LRP6: variants seen among roughly 807,000 people sequenced by gnomAD.
LRP6 encodes the protein low-density lipoprotein receptor-related protein 6.
A neutral mutation model predicts 184.1 loss-of-function variants in LRP6; 43 were observed. The observed-to-expected ratio is 0.23, with a 90% CI of 0.18 to 0.30. The LOEUF (loss-of-function observed/expected upper bound fraction) is 0.30, where lower values mean the gene tolerates loss of function less well. Ranked by LOEUF, LRP6 falls within the 10% of genes least tolerant of loss-of-function variation. LRP6 has a pLI of 1.00. For synonymous variants in LRP6, 719 were observed against 684.9 expected (o/e 1.05, Z -0.78); for missense variants, 1,571 against 2,005.3 (o/e 0.78, Z 4.14).
rs60703962 is a variant in LRP6, at chr12:12,234,879, GA to G, written c.449+9382del. 7.5e-3 allele frequency among the ~76,000 whole-genome samples: 1,111 copies of G among 147,788 alleles called. 10 individuals are homozygous for G. Among genetic ancestry groups the G allele is most frequent in the African/African-American group, 0.026 (1,040 of 40,180 alleles). ...TTCTGAGAACGGAGATATAATAAAA[GA>G]AAAAAAAAGAATATACACACGTATC... On this transcript the variant is annotated intron_variant, in intron 2 of 22. Coordinates refer to ENST00000261349, the MANE Select transcript of LRP6 (RefSeq NM_002336.3).
chr12:12,158,570 C>T lies in LRP6; in HGVS notation c.2791+259G>A, dbSNP rs185370217. On this transcript the variant is annotated intron_variant, in intron 12 of 22. Transcript: ENST00000261349. Reference sequence around the variant, plus strand: ...GAACTCCTGAGCTGAAGCATTCCTCCCACCTCAGCTTCCCAAAGTGCTGGG... The same window carrying T: ...GAACTCCTGAGCTGAAGCATTCCTCTCACCTCAGCTTCCCAAAGTGCTGGG... Among the ~76,000 whole-genome samples the T allele has an allele frequency of 2.1e-3, 320 of 152,274 alleles. 1 individual carries two copies. The highest frequency in any genetic ancestry group is 7.5e-3 in the African/African-American group (313 of 41,548).
At chr12:12,127,070 A>G (rs1238801880) in intron 19 of LRP6, 149 bp from the exon 20 acceptor site, 13 of 697,640 alleles carry the variant, frequency 1.9e-5, no homozygotes, top group Non-Finnish European at 2.8e-5. Flanking sequence ...GAGTACATAC[A>G]TACCACGCCC....
At chr12:12,210,892 C>CGG (rs1409823121) in intron 2 of LRP6, 1 of 152,144 alleles carries the variant, frequency 6.6e-6, no homozygotes, top group Non-Finnish European at 1.5e-5. Flanking sequence ...TCTCTTACTC[C>CGG]GGTTAGTAGA....
intron 8 of LRP6, among the ~76,000 whole-genome samples, chr12:12,164,825 T>C (rs755343152): frequency 7.3e-5 from 11 of 150,344 alleles, no homozygotes; most frequent in South Asian, 2.1e-4. Flanking sequence ...CTGAATTCTT[T>C]TGATGAAGGT....
intron 3 of LRP6, among the ~76,000 whole-genome samples, chr12:12,189,507 A>T (rs1863559295): frequency 6.6e-6 from 1 of 152,012 alleles, no homozygotes; most frequent in South Asian, 2.1e-4. Flanking sequence ...TACTAATATT[A>T]ATTTTTTTTT....
intron 2 of LRP6, among the ~76,000 whole-genome samples, chr12:12,205,325 C>CAAAAAAAAAAAAAAAAAAAAA (rs1334062234): frequency 3.8e-5 from 1 of 26,230 alleles, no homozygotes; most frequent in African/African-American, 9.6e-5. Flanking sequence ...CTGTCTCAAA[C>CAAAAAAAAAAAAAAAAAAAAA]AAACAAAAAA....
At chr12:12,170,791 TCACACACACACACACACACA>T (rs10571241) in intron 7 of LRP6, among the ~76,000 whole-genome samples, 3 of 142,794 alleles carry the variant, frequency 2.1e-5, no homozygotes, top group Non-Finnish European at 4.6e-5. Flanking sequence ...TAAAATTACT[TCACACACACACACACACACA>T]CACACACACA....
intron 12 of LRP6, chr12:12,155,304 T>C: frequency 1.3e-6 from 1 of 755,216 alleles, no homozygotes; most frequent in South Asian, 1.3e-5. Flanking sequence ...CCGATACGTG[T>C]TCTCTAGGCC....
intron 3 of LRP6, among the ~76,000 whole-genome samples, chr12:12,187,940 A>G (rs562099831): frequency 1.1e-4 from 16 of 152,240 alleles, no homozygotes; most frequent in Admixed American, 9.8e-4. Flanking sequence ...GGCCGGGCGC[A>G]GTGGCTCACG....
chr12:12,202,713 G>A (rs575889286), intron 3 of LRP6, among the ~76,000 whole-genome samples: 14 of 152,198 alleles, frequency 9.2e-5, no homozygotes, highest in East Asian at 3.9e-4. Context: ...GCCAAACCCC[G>A]TCCTAGTGTA....
rs1862759566 is a variant in LRP6, at chr12:12,162,252, T to C, written c.2220A>G (p.Gln740=). ...EVSKLDGQHR[Q]VLVWKDLDSP... Reference sequence around the variant, plus strand: ...TATCTAGGTCTTTCCACACCAAAACTTGTCGGTGCTGCCCATCCAACTTTG... The same window carrying C: ...TATCTAGGTCTTTCCACACCAAAACCTGTCGGTGCTGCCCATCCAACTTTG... Residue 740 remains glutamine (Q), a synonymous_variant, in exon 10 of 23, where the codon CAA becomes CAG. Transcript: ENST00000261349. 2 of 1,614,198 alleles carry C rather than the reference T, an allele frequency of 1.2e-6. No individual in the cohort carries two copies. Among genetic ancestry groups the C allele is most frequent in the Non-Finnish European group, 1.7e-6 (2 of 1,180,026 alleles).
At chr12:12,185,849 T>G (rs200833695) in intron 4 of LRP6, among the ~76,000 whole-genome samples, 44 of 52,112 alleles carry the variant, frequency 8.4e-4, no homozygotes, top group Middle Eastern at 0.015. Flanking sequence ...TGTTTTTTGT[T>G]TTTTTTTTTT....
intron 2 of LRP6, among the ~76,000 whole-genome samples, chr12:12,213,131 T>C (rs887617669): frequency 3.3e-5 from 5 of 152,216 alleles, no homozygotes; most frequent in African/African-American, 1.2e-4. Flanking sequence ...TACCTGATAC[T>C]TTCTTCCCTA....
At chr12:12,127,511 G>A (rs1238433416) in intron 19 of LRP6, among the ~76,000 whole-genome samples, 1 of 152,146 alleles carries the variant, frequency 6.6e-6, no homozygotes, top group African/African-American at 2.4e-5. Flanking sequence ...TGGCCTTCAG[G>A]CTGTCTAGTT....
chr12:12,138,772 C>T (rs1026202392), intron 15 of LRP6: 3 of 1,487,996 alleles, frequency 2.0e-6, no homozygotes, highest in Admixed American at 2.0e-5. Context: ...TATTCTAGTT[C>T]ATAGAAATGT....
intron 12 of LRP6, among the ~76,000 whole-genome samples, chr12:12,158,174 T>C (rs1420008889): frequency 1.3e-5 from 2 of 152,230 alleles, no homozygotes; most frequent in African/African-American, 2.4e-5. Flanking sequence ...ATGACTGTCC[T>C]ACTCTTTGCA....
rs1049122201 is a variant in LRP6, at chr12:12,120,133, A to C, written c.*993T>G. 22 of 150,046 alleles carry C rather than the reference A, an allele frequency of 1.5e-4. No homozygotes were observed. The highest frequency in any genetic ancestry group is 5.4e-4 in the African/African-American group (22 of 40,864). The allele number at this position is 150,046 out of a possible 1,614,324, so 9.3% of individuals were successfully genotyped here. On this transcript the variant is annotated 3_prime_UTR_variant, in exon 23 of 23. Coordinates refer to ENST00000261349, the MANE Select transcript of LRP6 (RefSeq NM_002336.3). ...TAATGGTTAAATTTTTAATTCTTAA[A>C]CATTGTCTATATGTGTTGTAAAAAG...
intron 1 of LRP6, among the ~76,000 whole-genome samples, chr12:12,251,442 C>T (rs1427300403): frequency 6.6e-6 from 1 of 151,898 alleles, no homozygotes; most frequent in Non-Finnish European, 1.5e-5. Context: ...CAGCTCACTG[C>T]AAGCACCACC....
intron 3 of LRP6, among the ~76,000 whole-genome samples, chr12:12,202,150 T>G (rs771227230): frequency 6.6e-6 from 1 of 152,264 alleles, no homozygotes; most frequent in African/African-American, 2.4e-5. Context: ...TTTACAGACT[T>G]TGTCTTCCTT....
Sources: gnomAD v4.1 joint callset for allele counts (sites outside exome capture counted in the v4.1 genomes callset) on GRCh38, gnomAD v4.1.1 for gene constraint, MANE v1.5 for transcripts, NCBI Gene and HGNC (gene_info 2026-07-23, HGNC 2026-07-21) for gene names.